The following USP9X variants were observed in gnomAD, a reference collection of about 807,000 sequenced individuals.
The protein encoded by USP9X is ubiquitin specific peptidase 9 X-linked, also known as ubiquitin carboxyl-terminal hydrolase 9X.
Under a neutral mutation model 190.3 loss-of-function variants are expected in USP9X, and 7 were observed. That is an observed-to-expected ratio of 0.04 (90% CI 0.02 to 0.07). The LOEUF (loss-of-function observed/expected upper bound fraction) is 0.07, where lower values mean the gene tolerates loss of function less well. USP9X is among the 10% of genes least tolerant of loss of function. The probability of loss-of-function intolerance (pLI) is 1.00; values close to 1 mark genes in which losing one functional copy is unlikely to be tolerated. For synonymous variants in USP9X, 645 were observed against 659.5 expected (o/e 0.98, Z 0.34); for missense variants, 1,010 against 1,916.9 (o/e 0.53, Z 8.83).
Position 41,219,766 on chromosome X carries a change from T to C in USP9X, c.6565+535T>C, listed in dbSNP as rs953083822. 3.6e-5 allele frequency among the ~76,000 whole-genome samples: 4 copies of C among 112,251 alleles called. No homozygotes were observed. In the Admixed American group the frequency reaches 3.8e-4, roughly 11 times the overall value. On this transcript the variant is annotated intron_variant, in intron 38 of 44. Transcript: ENST00000378308. ...ACTTTGGGAGGCCAAGGCAAGAGGATTGCTTGAGCCCAGGAGACTAACCTA... is the reference window on the plus strand; with the variant it reads ...ACTTTGGGAGGCCAAGGCAAGAGGACTGCTTGAGCCCAGGAGACTAACCTA...
chrX:41,141,579 C>A, intron 9 of USP9X, 148 bp downstream of exon 9: 1 of 572,321 alleles, frequency 1.7e-6, no homozygotes, highest in Non-Finnish European at 2.4e-6. Flanking sequence ...CTCTGTTAAT[C>A]CTGAGAACTT....
intron 26 of USP9X, among the ~76,000 whole-genome samples, chrX:41,192,152 C>T (rs377567719): frequency 6.6e-4 from 74 of 112,008 alleles, no homozygotes; most frequent in Middle Eastern, 9.3e-3. Context: ...ATGTTGCTTT[C>T]CTGCTTAAAA....
chrX:41,155,498 A>T lies in USP9X; in HGVS notation c.1897+2417A>T. On this transcript the variant is annotated intron_variant, in intron 14 of 44. Transcript: ENST00000378308. ...TTTTCTTGTTTCTGGATAGAGTTGG[A>T]TGACCCAACTTCACTGTAGGTCAGA... 2.7e-5 allele frequency among the ~76,000 whole-genome samples: 3 copies of T among 111,988 alleles called. No homozygotes were observed. The Middle Eastern group carries it at 0.014, about 518-fold the overall frequency.
chrX:41,156,697 A>G (rs760138695), intron 14 of USP9X, among the ~76,000 whole-genome samples: 5 of 111,794 alleles, frequency 4.5e-5, no homozygotes, highest in South Asian at 3.7e-4. Flanking sequence ...TCCTCCCTCT[A>G]TCTCCTGAAC....
In USP9X at chrX:41,196,105, G is replaced by A. The variant is rs2062981926; in HGVS notation, c.3978-146G>A. 9.6e-6 allele frequency: 6 copies of A among 626,804 alleles called. No homozygotes were observed. The East Asian group carries it at 2.1e-4, about 22-fold the overall frequency. 51.7% of individuals were successfully genotyped at this position (626,804 alleles called of 1,213,427 possible). On this transcript the variant is annotated intron_variant, in intron 26 of 44. Transcript: ENST00000378308. ...TGGTGTTGGCTTGAGTGCTTGTTGT[G>A]TGTAGGTAGGGTAATCCTGTATCCT...
intron 33 of USP9X, among the ~76,000 whole-genome samples, chrX:41,213,639 C>T (rs1235860885): frequency 8.9e-6 from 1 of 112,115 alleles, no homozygotes; most frequent in African/African-American, 3.2e-5. Context: ...TGGCCCTTTA[C>T]AGAAAGACTT....
intron 21 of USP9X, among the ~76,000 whole-genome samples, chrX:41,179,236 A>G (rs2062805724): frequency 2.7e-5 from 3 of 110,918 alleles, no homozygotes; most frequent in African/African-American, 9.9e-5. Context: ...TGTTTTTTGT[A>G]TTTTTTTGTT....
At chrX:41,187,762 A>T (rs2147167158) in intron 24 of USP9X, among the ~76,000 whole-genome samples, 1 of 109,419 alleles carries the variant, frequency 9.1e-6, no homozygotes, top group African/African-American at 3.3e-5. Context: ...TCAAGGCTGT[A>T]GTGAGCTATG....
chrX:41,172,140 A>G (rs1367102785), intron 21 of USP9X, among the ~76,000 whole-genome samples, 182 bp downstream of exon 21: 1 of 111,261 alleles, frequency 9.0e-6, no homozygotes, highest in East Asian at 2.8e-4. Flanking sequence ...TATATTTTTA[A>G]GTGGCTACAA....
chrX:41,116,367 G>C (rs1355328469), intron 1 of USP9X, among the ~76,000 whole-genome samples: 2 of 112,293 alleles, frequency 1.8e-5, no homozygotes, highest in Admixed American at 1.9e-4. Context: ...TTGTGTGTAG[G>C]ATACTGCTGC....
At chrX:41,145,315 C>G (rs1172182746) in intron 11 of USP9X, among the ~76,000 whole-genome samples, 1 of 111,893 alleles carries the variant, frequency 8.9e-6, no homozygotes, top group African/African-American at 3.2e-5. Flanking sequence ...CTTGGTATTT[C>G]TGGTAAAGTT....
intron 9 of USP9X, among the ~76,000 whole-genome samples, chrX:41,141,840 A>G (rs2062425464): frequency 8.9e-6 from 1 of 111,852 alleles, no homozygotes; most frequent in African/African-American, 3.3e-5. Context: ...AAATTACTAG[A>G]ATAAGATCTA....
chrX:41,117,207 A>G (rs2062154498), intron 1 of USP9X, among the ~76,000 whole-genome samples: 1 of 111,820 alleles, frequency 8.9e-6, no homozygotes, highest in Non-Finnish European at 1.9e-5. Flanking sequence ...AAGATGATTT[A>G]GTTCTGTGGT....
At chrX:41,095,596 G>C (rs1043207195) in intron 1 of USP9X, among the ~76,000 whole-genome samples, 1 of 112,125 alleles carries the variant, frequency 8.9e-6, no homozygotes, top group East Asian at 2.8e-4. Context: ...TAGTAGGAGA[G>C]TGTGCAAGGA....
chrX:41,170,629 T>C lies in USP9X; in HGVS notation c.3027+10T>C. 1 of 1,206,267 alleles carries C rather than the reference T, an allele frequency of 8.3e-7. No individual in the cohort carries two copies. On this transcript the variant is annotated intron_variant, in intron 20 of 44. Coordinates refer to ENST00000378308, the MANE Select transcript of USP9X (RefSeq NM_001039591.3). The stretch of plus-strand genomic sequence containing the variant: ...CTGTTTGCCTGGAGTGGTGAGTAGA[T>C]ACAGTTTTGAACTACTGTATGTAAG...
At chrX:41,216,874 C>G (rs1192875135) in intron 35 of USP9X, among the ~76,000 whole-genome samples, 3 of 110,355 alleles carry the variant, frequency 2.7e-5, no homozygotes, top group Admixed American at 2.0e-4. Context: ...GAAACCCCAT[C>G]TCTACTAAAA....
chrX:41,218,352 G>GT lies in USP9X; in HGVS notation c.6210-13dup, dbSNP rs754781236. The GT allele has an allele frequency of 3.0e-4, 358 of 1,198,761 alleles. No homozygotes were observed. The Middle Eastern group carries it at 3.9e-3, about 13-fold the overall frequency. The stretch of plus-strand genomic sequence containing the variant: ...CAAGTTATTGACTTAATAGTCATAG[G>GT]TTTTTTTGTTTTATTTTAGGTATGA... On this transcript the variant is annotated intron_variant, in intron 36 of 44. Transcript: ENST00000378308.
chrX:41,163,470 G>C (rs1220854885), intron 15 of USP9X, among the ~76,000 whole-genome samples: 1 of 111,348 alleles, frequency 9.0e-6, no homozygotes, highest in Non-Finnish European at 1.9e-5. Context: ...AAATTTTGAT[G>C]GTCAGGCACG....
chrX:41,100,121 C>T (rs991189234), intron 1 of USP9X, among the ~76,000 whole-genome samples: 1 of 111,476 alleles, frequency 9.0e-6, no homozygotes, highest in Non-Finnish European at 1.9e-5. Context: ...ATGTTTTTTT[C>T]CTTGGTGCTC....
Sources: allele counts gnomAD v4.1 joint callset (sites outside exome capture counted in the v4.1 genomes callset), GRCh38; gene constraint gnomAD v4.1.1; transcripts MANE v1.5; gene names NCBI Gene and HGNC (gene_info 2026-07-23, HGNC 2026-07-21).